The following DAPK2 variants were observed in gnomAD, a reference collection of about 807,000 sequenced individuals.
DAPK2 encodes the protein death associated protein kinase 2, also known as death-associated protein kinase 2.
A neutral mutation model predicts 44.1 loss-of-function variants in DAPK2; 35 were observed. The ratio of observed to expected loss-of-function variants is 0.79; its 90% CI spans 0.61 to 1.05. The LOEUF (loss-of-function observed/expected upper bound fraction) is 1.05, where lower values mean the gene tolerates loss of function less well. DAPK2 is among the 50% of genes least tolerant of loss of function. The pLI, the probability that DAPK2 is intolerant of heterozygous loss-of-function variation, is 0.00. For missense variants in DAPK2, 453 were observed against 483.2 expected, an observed-to-expected ratio of 0.94 and a Z score of 0.59; for synonymous variants, 174 against 182.6, an observed-to-expected ratio of 0.95 and a Z score of 0.38.
chr15:63,976,289 G>T lies in DAPK2; in HGVS notation c.315-4728C>A, dbSNP rs182026421. 5.3e-5 allele frequency among the ~76,000 whole-genome samples: 8 copies of T among 152,336 alleles called. No homozygotes were observed. The East Asian group carries it at 1.5e-3, about 29-fold the overall frequency. ...ATGTGGCTAGTGTAATAGAGGAATT[G>T]AATTTTAACTTTTATTTAATTTTAA... On this transcript the variant is annotated intron_variant, in intron 2 of 10. Coordinates refer to ENST00000261891, the Ensembl canonical transcript of DAPK2.
At position 63,993,453 on chromosome 15, in the gene DAPK2, T is replaced by C. The variant is rs529822349; in HGVS notation, c.93-9699A>G. Among the ~76,000 whole-genome samples the C allele has an allele frequency of 1.8e-4, 28 of 151,864 alleles. No individual in the cohort carries two copies. The East Asian group carries it at 4.8e-3, about 26-fold the overall frequency. On this transcript the variant is annotated intron_variant, in intron 1 of 10. Transcript: ENST00000261891. ...ATAACCAGTTATTTCTTGCCCAATT[T>C]TTTTCTGTCCACCAGGATCTTAAGG...
At chr15:63,949,530 C>T (rs1317526056) in intron 3 of DAPK2, among the ~76,000 whole-genome samples, 1 of 152,150 alleles carries the variant, frequency 6.6e-6, no homozygotes, top group Admixed American at 6.5e-5. Flanking sequence ...CAGTGAGGAG[C>T]CTGGGCCTGG....
At chr15:64,022,470 G>A (rs2079712978) in intron 1 of DAPK2, among the ~76,000 whole-genome samples, 1 of 152,122 alleles carries the variant, frequency 6.6e-6, no homozygotes, top group African/African-American at 2.4e-5. Flanking sequence ...CCTTGTGCAT[G>A]GTGACTACTT....
intron 3 of DAPK2, among the ~76,000 whole-genome samples, chr15:63,950,911 T>G (rs1463182614): frequency 6.6e-6 from 1 of 152,232 alleles, no homozygotes; most frequent in Non-Finnish European, 1.5e-5. Context: ...ATTAACATCC[T>G]CATGACAGCT....
chr15:64,016,372 C>G (rs943477969), intron 1 of DAPK2, among the ~76,000 whole-genome samples: 1 of 152,164 alleles, frequency 6.6e-6, no homozygotes, highest in South Asian at 2.1e-4. Flanking sequence ...GGCTTTGGAG[C>G]CAAAGAGACA....
chr15:63,992,150 T>C (rs892017162), intron 1 of DAPK2, among the ~76,000 whole-genome samples: 5 of 152,218 alleles, frequency 3.3e-5, no homozygotes, highest in Non-Finnish European at 7.3e-5. Context: ...TGTTGTCAAA[T>C]GAGCTCAAGC....
At chr15:64,029,052 C>T (rs1434157594) in intron 1 of DAPK2, among the ~76,000 whole-genome samples, 2 of 152,098 alleles carry the variant, frequency 1.3e-5, no homozygotes, top group Admixed American at 1.3e-4. Flanking sequence ...AAAATGTACA[C>T]ACTGGCAATA....
chr15:63,999,254 A>ATGAGCTT (rs1430005524), intron 1 of DAPK2, among the ~76,000 whole-genome samples: 8 of 152,210 alleles, frequency 5.3e-5, no homozygotes, highest in Non-Finnish European at 1.0e-4. Flanking sequence ...GATCTGACCA[A>ATGAGCTT]GCTGGGGCTG....
intron 7 of DAPK2, 137 bp downstream of exon 8, chr15:63,925,804 T>G: frequency 1.2e-5 from 13 of 1,120,300 alleles, no homozygotes; most frequent in Non-Finnish European, 1.7e-5. Flanking sequence ...GGCCACACTT[T>G]CCAGCACCTG....
chr15:63,924,799 C>T lies in DAPK2; in HGVS notation c.858+17G>A, dbSNP rs182815675. Reference sequence around the variant, plus strand: ...CAGGGACCCTTTGCCCATTGGAACTCATGGCTGTGCCCTTACCGTGATCCA... The same window carrying T: ...CAGGGACCCTTTGCCCATTGGAACTTATGGCTGTGCCCTTACCGTGATCCA... On this transcript the variant is annotated intron_variant, in intron 8 of 10. Coordinates refer to ENST00000261891, the Ensembl canonical transcript of DAPK2. The T allele has an allele frequency of 5.9e-4, 950 of 1,614,106 alleles. 8 individuals are homozygous for T. The African/African-American group carries it at 0.011, about 19-fold the overall frequency.
intron 3 of DAPK2, among the ~76,000 whole-genome samples, chr15:63,957,935 G>C (rs1439677256): frequency 6.6e-6 from 1 of 152,174 alleles, no homozygotes; most frequent in South Asian, 2.1e-4. Context: ...TCGCCACACT[G>C]TCTTCCACAA....
rs1329328191 is a variant in DAPK2 at position 64,013,375 on chromosome 15, G to GC, written c.92+26794dup. 6.6e-6 allele frequency among the ~76,000 whole-genome samples: 1 copy of GC among 152,208 alleles called. No homozygotes were observed. Among genetic ancestry groups the GC allele is most frequent in the Non-Finnish European group, 1.5e-5 (1 of 68,034 alleles). The stretch of plus-strand genomic sequence containing the variant: ...AAGTGAATGTGGGCAGTCTTAAGAG[G>GC]CCAGGAACTAACAGCTTAAACTACA... On this transcript the variant is annotated intron_variant, in intron 1 of 10. Coordinates refer to ENST00000261891, the Ensembl canonical transcript of DAPK2. This position sits in a 1 kb window ranked among gnomAD's most constrained non-coding sequence, Gnocchi z 4.7.
chr15:63,977,603 A>G (rs2078389017), intron 2 of DAPK2, among the ~76,000 whole-genome samples: 1 of 152,234 alleles, frequency 6.6e-6, no homozygotes, highest in South Asian at 2.1e-4. Context: ...AGTCCTTGAC[A>G]TAAACACCGT....
At chr15:63,983,446 G>A (rs55986634) in intron 2 of DAPK2, 87 bp downstream of exon 3, 450,637 of 1,262,458 alleles carry the variant, frequency 0.36, 90,232 homozygotes, top group Non-Finnish European at 0.42. Context: ...GGTTGCTGCT[G>A]CCCCCTGGGG....
At chr15:63,949,443 G>A (rs2077531163) in intron 3 of DAPK2, among the ~76,000 whole-genome samples, 1 of 152,134 alleles carries the variant, frequency 6.6e-6, no homozygotes, top group Non-Finnish European at 1.5e-5. Context: ...ATTTGCCTTG[G>A]GCTCTCCCTT....
At chr15:63,982,972 A>C (rs1257783197) in intron 2 of DAPK2, among the ~76,000 whole-genome samples, 1 of 152,266 alleles carries the variant, frequency 6.6e-6, no homozygotes, top group Non-Finnish European at 1.5e-5. Context: ...CGACAGATAG[A>C]AAGCGCCTAG....
Position 63,908,358 on chromosome 15 carries a change from C to T in DAPK2, c.*162G>A, listed in dbSNP as rs2078700003. 3 of 439,768 alleles carry T rather than the reference C, an allele frequency of 6.8e-6. No homozygotes were observed. The East Asian group carries it at 1.1e-4, about 16-fold the overall frequency. The allele number at this position is 439,768 out of a possible 1,614,324, so 27.2% of individuals were successfully genotyped here. A position where few individuals can be genotyped will look rare whatever the true frequency, so the allele number is the denominator to read the frequency against. ...AGAAGACAGCCACAGCTCCCAGGGT[C>T]TCCTGGCTTGCCTGCAAGCTCTTCT... On this transcript the variant is annotated 3_prime_UTR_variant, in exon 11 of 11. Coordinates refer to ENST00000261891, the Ensembl canonical transcript of DAPK2. The surrounding 1 kb of genome is among the most constrained non-coding windows in gnomAD (Gnocchi z 5.7).
At chr15:64,019,512 T>C (rs963596855) in intron 1 of DAPK2, among the ~76,000 whole-genome samples, 8 of 152,266 alleles carry the variant, frequency 5.3e-5, no homozygotes, top group African/African-American at 1.9e-4. Flanking sequence ...GAAAGAATTA[T>C]CTTATGTCTA....
chr15:63,952,643 TG>T lies in DAPK2; in HGVS notation c.454-13283del, dbSNP rs1319572141. 1.5e-3 allele frequency among the ~76,000 whole-genome samples: 3 copies of T among 1,960 alleles called. No individual in the cohort carries two copies. The Non-Finnish European group carries it at 0.027, about 18-fold the overall frequency. The allele number at this position is 1,960 out of a possible 152,430, so 1.3% of individuals were successfully genotyped here. A position where few individuals can be genotyped will look rare whatever the true frequency, so the allele number is the denominator to read the frequency against. On this transcript the variant is annotated intron_variant, in intron 3 of 10. Transcript: ENST00000261891. ...TTTTGGGCAAGAGCATTCCATGATC[TG>T]TTTTTTTTTATTTATTTTTTTATTT...
Sources: gnomAD v4.1 joint callset for allele counts (sites outside exome capture counted in the v4.1 genomes callset) on GRCh38, gnomAD v4.1.1 for gene constraint, Gnocchi (gnomAD v3.1) non-coding constraint, MANE v1.5 for transcripts, NCBI Gene and HGNC (gene_info 2026-07-23, HGNC 2026-07-21) for gene names.